The following COG8 variants were observed in gnomAD, a reference collection of about 807,000 sequenced individuals.
COG8 encodes the protein component of oligomeric golgi complex 8.
COG8 carries 45 observed loss-of-function variants against 46.5 expected under a neutral mutation model. That is an observed-to-expected ratio of 0.97 (90% confidence interval 0.76 to 1.24). The LOEUF (loss-of-function observed/expected upper bound fraction) is 1.24, where lower values mean the gene tolerates loss of function less well. Ranked by LOEUF, COG8 falls within the 50% of genes most tolerant of loss-of-function variation. The probability of loss-of-function intolerance (pLI) is 0.00; values close to 1 mark genes in which losing one functional copy is unlikely to be tolerated. For synonymous variants in COG8, 407 were observed against 347.8 expected (o/e 1.17, Z -1.90); for missense variants, 793 against 820.8 (o/e 0.97, Z 0.41).
intron 1 of COG8, 77 bp from the exon 2 acceptor site, chr16:69,336,789 A>G: frequency 3.2e-6 from 4 of 1,237,260 alleles, no homozygotes; most frequent in Non-Finnish European, 4.7e-6. Context: ...AGTACCTGCT[A>G]TGAACATTGG....
chr16:69,335,489 G>A, intron 2 of COG8, 141 bp from the exon 3 acceptor site: 1 of 777,272 alleles, frequency 1.3e-6, no homozygotes, highest in Non-Finnish European at 2.2e-6. Context: ...ATGCCTGTAG[G>A]TTCACCAACA....
rs2011782847 is a variant in COG8 at position 69,330,984 on chromosome 16, A to G, written c.1694T>C (p.Leu565Pro). The G allele has an allele frequency of 6.2e-7, 1 of 1,604,958 alleles. No homozygotes were observed. Among genetic ancestry groups the G allele is most frequent in the African/African-American group, 1.3e-5 (1 of 74,832 alleles). Reference sequence around the variant, plus strand: ...CTCGGGCCCCAGCGCCTGGTCATCCAGGGTGAAAAGCGTCTCTCTCTTTGG... The same window carrying G: ...CTCGGGCCCCAGCGCCTGGTCATCCGGGGTGAAAAGCGTCTCTCTCTTTGG... Reference protein sequence around the residue: ...ILPKRETLFTLDDQALGPELT... With the variant: ...ILPKRETLFTPDDQALGPELT... Residue 565 changes from leucine to proline, a missense_variant, in exon 5 of 6, where the codon CTG becomes CCG. Transcript: ENST00000306875.
intron 5 of COG8, among the ~76,000 whole-genome samples, chr16:69,329,397 C>G (rs1459152551): frequency 1.3e-5 from 2 of 152,218 alleles, no homozygotes; most frequent in South Asian, 2.1e-4. Flanking sequence ...ATTAGGTTAT[C>G]GAGCTCACTG....
In COG8 at chr16:69,331,199, G is replaced by A. The variant is rs1045155186; in HGVS notation, c.1583-104C>T. 8 of 1,305,162 alleles carry A rather than the reference G, an allele frequency of 6.1e-6. No individual in the cohort carries two copies. In the Admixed American group the frequency reaches 7.8e-5, roughly 13 times the overall value. 80.8% of individuals were successfully genotyped at this position (1,305,162 alleles called of 1,614,324 possible). ...GCGGTGGCTCACGCCTGTAATCCCA[G>A]CACTTTGGGAGGCCGGGGAGGGGGG... is the stretch of plus-strand genomic sequence containing the variant. On this transcript the variant is annotated intron_variant, in intron 4 of 5. Transcript: ENST00000306875.
At chr16:69,330,432 A>C in intron 5 of COG8, 6 of 1,472,404 alleles carry the variant, frequency 4.1e-6, no homozygotes, top group Non-Finnish European at 5.4e-6. Flanking sequence ...CGCCAATAGG[A>C]GCGCCGCAGC....
At position 69,326,863 on chromosome 16, in the gene COG8, C is replaced by T. The variant is rs958520554; in HGVS notation, c.*2343G>A. 4 of 151,848 alleles carry T rather than the reference C, an allele frequency of 2.6e-5. No individual in the cohort carries two copies. Among genetic ancestry groups the T allele is most frequent in the East Asian group, 1.9e-4 (1 of 5,196 alleles). 9.4% of individuals were successfully genotyped at this position (151,848 alleles called of 1,614,324 possible). ...AGCTCACAACGTTGACATGTATATG[C>T]GTTTTTTGTGAGTGCTTCCTGCTCA... is the stretch of plus-strand genomic sequence containing the variant. On this transcript the variant is annotated 3_prime_UTR_variant, in exon 6 of 6. Coordinates refer to ENST00000306875, the MANE Select transcript of COG8 (RefSeq NM_032382.5).
At chr16:69,338,956 T>A (rs1188105980) in intron 1 of COG8, 4 of 643,278 alleles carry the variant, frequency 6.2e-6, no homozygotes, top group Non-Finnish European at 7.8e-6. Flanking sequence ...ATCTCGCCAC[T>A]GCACTCCAGC....
intron 1 of COG8, among the ~76,000 whole-genome samples, chr16:69,337,232 G>A (rs1346781286): frequency 6.7e-6 from 1 of 148,344 alleles, no homozygotes; most frequent in African/African-American, 2.5e-5. Flanking sequence ...GGTGAGCAGA[G>A]ATGGCGCCAC....
chr16:69,331,652 G>A (rs560186156), intron 4 of COG8, among the ~76,000 whole-genome samples: 42 of 151,872 alleles, frequency 2.8e-4, no homozygotes, highest in Middle Eastern at 3.4e-3. Context: ...ACAGGCGCCC[G>A]CCACCATGCC....
chr16:69,331,876 G>C (rs759631049), intron 4 of COG8, among the ~76,000 whole-genome samples: 1 of 152,166 alleles, frequency 6.6e-6, no homozygotes, highest in African/African-American at 2.4e-5. Flanking sequence ...GAAGCAGAAC[G>C]TAACGGAACA....
In COG8 at chr16:69,328,960, C is replaced by T; in HGVS notation, c.*246G>A. The stretch of plus-strand genomic sequence containing the variant: ...AAGTTGATGCCAAGTAAGATTTGCC[C>T]AGCTCAAAGTGAAAGTGTTTGCGTC... On this transcript the variant is annotated 3_prime_UTR_variant, in exon 6 of 6. Transcript: ENST00000306875. The T allele has an allele frequency of 1.3e-6, 2 of 1,561,344 alleles. No individual in the cohort carries two copies.
intron 2 of COG8, 33 bp from the exon 3 acceptor site, chr16:69,335,381 G>A (rs773394726): frequency 4.6e-6 from 7 of 1,519,872 alleles, no homozygotes; most frequent in Non-Finnish European, 6.2e-6. Flanking sequence ...ACACTGCGCT[G>A]GGAAGGATGC....
chr16:69,332,647 T>C (rs1200292960), intron 4 of COG8, 67 bp downstream of exon 4: 12 of 1,389,716 alleles, frequency 8.6e-6, no homozygotes, highest in Non-Finnish European at 1.2e-5. Context: ...CTTACACAAA[T>C]GGATGAATTA....
chr16:69,330,762 C>T (rs922515718), intron 5 of COG8, 51 bp downstream of exon 5: 7 of 1,458,118 alleles, frequency 4.8e-6, no homozygotes, highest in Non-Finnish European at 6.3e-6. Context: ...CCGCCCCGGA[C>T]CTTCCAGGGC....
At position 69,335,020 on chromosome 16, in the gene COG8, C is replaced by T. The variant is rs941763771; in HGVS notation, c.914G>A (p.Gly305Asp). 7.4e-6 allele frequency: 12 copies of T among 1,614,048 alleles called. No individual in the cohort carries two copies. The Admixed American group carries it at 1.5e-4, about 20-fold the overall frequency. Reference protein sequence around the residue: ...DEDPLLPPAMGEHTVNESAIF... With the variant: ...DEDPLLPPAMDEHTVNESAIF... ...GGCACTCTCATTCACAGTGTGCTCA[C>T]CCATGGCAGGGGGCAGCAGTGGGTC... The change falls in exon 3 of 6, where the codon GGT becomes GAT. Residue 305 changes from glycine (G) to aspartate (D), a missense_variant. Physicochemically the swap from Gly to Asp is moderately conservative, Grantham distance 94 (BLOSUM62 -1). Coordinates refer to ENST00000306875, the MANE Select transcript of COG8 (RefSeq NM_032382.5).
intron 5 of COG8, chr16:69,330,335 G>A (rs1367506895): frequency 8.2e-6 from 12 of 1,456,518 alleles, no homozygotes; most frequent in Admixed American, 2.6e-5. Flanking sequence ...CACCGGGGCC[G>A]CCACGCCGCG....
Position 69,334,651 on chromosome 16 carries a change from AC to A in COG8, c.1282del (p.Val428CysfsTer3). On this transcript the variant is annotated frameshift_variant, in exon 3 of 6. Transcript: ENST00000306875. LOFTEE classifies it high-confidence loss of function. ...TQPGTLQPPM[V>X]LLDFPPLACF... is the part of the protein sequence containing the mutation. ...GGCGAGGGGTGGGAAATCTAGGAGCACCATGGGTGGCTGCAGCGTCCCCGGC... is the reference window on the plus strand; with the variant it reads ...GGCGAGGGGTGGGAAATCTAGGAGCACATGGGTGGCTGCAGCGTCCCCGGC... 1 of 1,614,218 alleles carries A rather than the reference AC, an allele frequency of 6.2e-7. No individual in the cohort carries two copies. The highest frequency in any genetic ancestry group is 8.5e-7 in the Non-Finnish European group (1 of 1,180,044).
At position 69,330,843 on chromosome 16, in the gene COG8, G is replaced by A. The variant is rs1296087775; in HGVS notation, c.1835C>T (p.Pro612Leu). ...TCTGGAGGCAGGGGACGCCGGCTAG[G>A]GCCCCACGCTGGGCGGTTCGGCCTG... is the stretch of plus-strand genomic sequence containing the variant. ...ETQAEPPSVGP is the reference protein window; with the variant it reads ...ETQAEPPSVGL The change falls in exon 5 of 6, where the codon CCC becomes CTC. Residue 612 changes from proline (P) to leucine (L), a missense_variant. Pro to Leu is a moderately conservative substitution (Grantham distance 98, BLOSUM62 -3). Coordinates refer to ENST00000306875, the MANE Select transcript of COG8 (RefSeq NM_032382.5). The A allele has an allele frequency of 1.2e-5, 18 of 1,538,006 alleles. No homozygotes were observed. The Admixed American group carries it at 2.0e-4, about 17-fold the overall frequency.
chr16:69,329,995 A>G (rs2011648699), intron 5 of COG8: 1 of 1,521,224 alleles, frequency 6.6e-7, no homozygotes, highest in Admixed American at 2.1e-5. Flanking sequence ...CGCCGCCCGC[A>G]CCTGAGATCT....
Sources: gnomAD v4.1 joint callset for allele counts (sites outside exome capture counted in the v4.1 genomes callset) on GRCh38, gnomAD v4.1.1 for gene constraint, MANE v1.5 for transcripts, NCBI Gene and HGNC (gene_info 2026-07-23, HGNC 2026-07-21) for gene names.